The following IPO11 variants were observed in gnomAD, a reference collection of about 807,000 sequenced individuals.
IPO11 encodes importin-11.
A neutral mutation model predicts 143.2 loss-of-function variants in IPO11; 66 were observed. That is an observed-to-expected ratio of 0.46 (90% confidence interval 0.38 to 0.57). IPO11 has a LOEUF of 0.57. Among genes scored for constraint, IPO11 ranks in the 20% least tolerant of loss-of-function variants. The pLI, the probability that IPO11 is intolerant of heterozygous loss-of-function variation, is 0.00. For missense variants in IPO11, 1,026 were observed against 1,141.0 expected, an observed-to-expected ratio of 0.90 and a Z score of 1.45; for synonymous variants, 385 against 377.8, an observed-to-expected ratio of 1.02 and a Z score of -0.22.
chr5:62,518,336 CAGG>C (rs1161384985), intron 20 of IPO11, among the ~76,000 whole-genome samples: 1 of 151,708 alleles, frequency 6.6e-6, no homozygotes, highest in Admixed American at 6.6e-5. Flanking sequence ...ACCAGCTACT[CAGG>C]AGGCTGAGGC....
chr5:62,494,192 C>T, intron 16 of IPO11, 68 bp downstream of exon 16: 1 of 1,402,534 alleles, frequency 7.1e-7, no homozygotes, highest in Non-Finnish European at 9.7e-7. Context: ...ATCAAGTTCA[C>T]AACAGTTTAT....
chr5:62,601,227 G>C (rs1745494833), intron 28 of IPO11: 1 of 152,368 alleles, frequency 6.6e-6, no homozygotes, highest in Admixed American at 6.5e-5. Context: ...AAAGAGCATG[G>C]TGCAGATATT....
At chr5:62,437,486 C>A in intron 2 of IPO11, 69 bp downstream of exon 2, 1 of 1,358,868 alleles carries the variant, frequency 7.4e-7, no homozygotes, top group Non-Finnish European at 1.0e-6. Context: ...GTTTTAAAAC[C>A]CTAGTTTTAT....
chr5:62,580,233 G>A, intron 27 of IPO11: 1 of 1,549,974 alleles, frequency 6.5e-7, no homozygotes, highest in Non-Finnish European at 8.7e-7. Flanking sequence ...CAAGAATTAG[G>A]AATGTTACTA....
intron 24 of IPO11, among the ~76,000 whole-genome samples, chr5:62,545,121 A>T (rs1465290105): frequency 2.0e-5 from 3 of 152,194 alleles, no homozygotes; most frequent in Non-Finnish European, 4.4e-5. Flanking sequence ...ATGGAACCAA[A>T]AAAGAGCCTG....
chr5:62,486,372 A>G (rs766962506), intron 12 of IPO11, among the ~76,000 whole-genome samples: 2 of 152,106 alleles, frequency 1.3e-5, no homozygotes, highest in African/African-American at 4.8e-5. Context: ...ACAAATAGAA[A>G]ATGTTTGTCA....
intron 27 of IPO11, among the ~76,000 whole-genome samples, chr5:62,567,495 A>ATTAT (rs1554055753): frequency 7.9e-6 from 1 of 126,970 alleles, no homozygotes; most frequent in African/African-American, 3.0e-5. Flanking sequence ...TATTATTATT[A>ATTAT]TTTTTTTTAC....
At chr5:62,454,473 A>G (rs1177373913) in intron 5 of IPO11, among the ~76,000 whole-genome samples, 1 of 152,178 alleles carries the variant, frequency 6.6e-6, no homozygotes, top group South Asian at 2.1e-4. Context: ...TCCTATTTCA[A>G]CTTTATCAAA....
intron 6 of IPO11, 65 bp from the exon 7 acceptor site, chr5:62,470,185 T>G (rs1017988003): frequency 1.1e-5 from 17 of 1,481,342 alleles, no homozygotes; most frequent in Non-Finnish European, 1.4e-5. Context: ...TTCTGAATCT[T>G]TCTTGTGATT....
At chr5:62,561,984 A>G (rs986266407) in intron 27 of IPO11, 34 of 152,300 alleles carry the variant, frequency 2.2e-4, no homozygotes, top group African/African-American at 8.2e-4. Flanking sequence ...GGTATGGGAC[A>G]TTGCTTATAC....
intron 20 of IPO11, among the ~76,000 whole-genome samples, chr5:62,515,861 A>G (rs1245567950): frequency 6.6e-6 from 1 of 152,202 alleles, no homozygotes; most frequent in African/African-American, 2.4e-5. Flanking sequence ...AAATAAAAAA[A>G]TTCCCTATTA....
chr5:62,607,618 A>G (rs2112459203), intron 29 of IPO11, among the ~76,000 whole-genome samples: 1 of 152,342 alleles, frequency 6.6e-6, no homozygotes, highest in Middle Eastern at 3.4e-3. Flanking sequence ...TGGCTTCAGA[A>G]CTGCCCTTTG....
intron 27 of IPO11, among the ~76,000 whole-genome samples, chr5:62,587,155 G>A (rs1042319022): frequency 6.6e-5 from 10 of 151,884 alleles, no homozygotes; most frequent in Non-Finnish European, 1.2e-4. Flanking sequence ...TGAAGATAAT[G>A]GTTTTGTTGG....
intron 13 of IPO11, 112 bp downstream of exon 13, chr5:62,487,973 A>G: frequency 2.2e-6 from 2 of 896,442 alleles, no homozygotes; most frequent in Non-Finnish European, 3.3e-6. Context: ...TATAATAAAT[A>G]TGAATTTGAG....
At chr5:62,559,762 C>T (rs907483811) in intron 26 of IPO11, among the ~76,000 whole-genome samples, 3 of 151,476 alleles carry the variant, frequency 2.0e-5, no homozygotes, top group Non-Finnish European at 2.9e-5. Context: ...ACTAAAAATA[C>T]AAAATTAGCC....
chr5:62,606,291 G>A (rs1745711627), intron 29 of IPO11, among the ~76,000 whole-genome samples: 1 of 148,640 alleles, frequency 6.7e-6, no homozygotes, highest in African/African-American at 2.5e-5. Flanking sequence ...GACCAGCCTG[G>A]GCAACATAGG....
intron 26 of IPO11, among the ~76,000 whole-genome samples, chr5:62,556,859 G>A (rs776813431): frequency 6.6e-6 from 1 of 151,530 alleles, no homozygotes; most frequent in Non-Finnish European, 1.5e-5. Context: ...TGCTCTCCTA[G>A]TCTTGGATAC....
At chr5:62,622,353 A>G (rs1191345269) in intron 29 of IPO11, among the ~76,000 whole-genome samples, 1 of 152,180 alleles carries the variant, frequency 6.6e-6, no homozygotes, top group African/African-American at 2.4e-5. Flanking sequence ...GTGAAGAACT[A>G]TTGTATAAAG....
intron 20 of IPO11, among the ~76,000 whole-genome samples, chr5:62,517,215 A>G (rs1742054381): frequency 6.6e-6 from 1 of 152,030 alleles, no homozygotes; most frequent in South Asian, 2.1e-4. Context: ...AGAAAAAAAA[A>G]TAAGTGGCCC....
Sources: gnomAD v4.1 joint callset for allele counts (sites outside exome capture counted in the v4.1 genomes callset) on GRCh38, gnomAD v4.1.1 for gene constraint, MANE v1.5 for transcripts, NCBI Gene and HGNC (gene_info 2026-07-23, HGNC 2026-07-21) for gene names.